The following ZNF24 variants were observed in gnomAD, a reference collection of about 807,000 sequenced individuals.
ZNF24 encodes the protein retinoic acid suppression protein A.
Under a neutral mutation model 40.9 loss-of-function variants are expected in ZNF24, and 11 were observed. The observed-to-expected ratio is 0.27, with a 90% confidence interval of 0.17 to 0.45. The LOEUF is 0.45. Ranked by LOEUF, ZNF24 falls within the 20% of genes least tolerant of loss-of-function variation. The pLI is 1.00. For missense variants in ZNF24, 293 were observed against 437.7 expected (o/e 0.67, Z 2.95); for synonymous variants, 139 against 154.7 (o/e 0.90, Z 0.75).
rs772555800 is a variant in ZNF24, at chr18:35,340,322, G to C, written c.329C>G (p.Thr110Ser). 1 of 1,614,154 alleles carries C rather than the reference G, an allele frequency of 6.2e-7. No individual in the cohort carries two copies. The stretch of plus-strand genomic sequence containing the variant: ...CTCTGGATGATGATCTCGAACCCAA[G>C]TCTGTAGCTCTTTGGGTAGGATGGC... Reference protein sequence around the residue: ...FVAILPKELQTWVRDHHPENG... With the variant: ...FVAILPKELQSWVRDHHPENG... Residue 110 changes from threonine (T) to serine (S), a missense_variant, in exon 2 of 4, where the codon ACT becomes AGT. Thr to Ser is a moderately conservative substitution (Grantham distance 58). Coordinates refer to ENST00000261332, the MANE Select transcript of ZNF24 (RefSeq NM_006965.4). This position sits in a 1 kb window ranked among gnomAD's most constrained non-coding sequence, Gnocchi z 4.6.
Position 35,337,250 on chromosome 18 carries a change from C to A in ZNF24, c.1089G>T (p.Leu363=). 7.0e-7 allele frequency: 1 copy of A among 1,427,410 alleles called. No homozygotes were observed. 88.4% of individuals were successfully genotyped at this position (1,427,410 alleles called of 1,614,324 possible). ...HQRRHNAEKL[L]NVVKV is the part of the protein sequence containing the mutation. Reference sequence around the variant, plus strand: ...CAATTTCTTAAACTTTCACAACATTCAGAAGTTTTTCTGCATTGTGTCTTC... The same window carrying A: ...CAATTTCTTAAACTTTCACAACATTAAGAAGTTTTTCTGCATTGTGTCTTC... Residue 363 remains leucine, a synonymous_variant, in exon 4 of 4, where the codon CTG becomes CTT. Coordinates refer to ENST00000261332, the MANE Select transcript of ZNF24 (RefSeq NM_006965.4).
chr18:35,337,146 A>G lies in ZNF24; in HGVS notation c.*86T>C, dbSNP rs2044918101. The G allele has an allele frequency of 4.4e-6, 5 of 1,149,264 alleles. No homozygotes were observed. The highest frequency in any genetic ancestry group is 5.8e-6 in the Non-Finnish European group (5 of 864,908). The allele number at this position is 1,149,264 out of a possible 1,614,324, so 71.2% of individuals were successfully genotyped here. A position where few individuals can be genotyped will look rare whatever the true frequency, so the allele number is the denominator to read the frequency against. ...TCTGACAGTCAATAGGGAAAAAACT[A>G]TTCTGCATCATTTCATATTTTAAAT... On this transcript the variant is annotated 3_prime_UTR_variant, in exon 4 of 4. Coordinates refer to ENST00000261332, the MANE Select transcript of ZNF24 (RefSeq NM_006965.4).
chr18:35,344,390 C>G lies in ZNF24; in HGVS notation c.-114G>C, dbSNP rs1181478559. The stretch of plus-strand genomic sequence containing the variant: ...CAAACCTCCGGCTCAGGAACCGCAG[C>G]AGCTTCGCTGTCCACGGCAGACGCA... On this transcript the variant is annotated 5_prime_UTR_variant, in exon 1 of 4. Transcript: ENST00000261332. The G allele has an allele frequency of 6.6e-6, 1 of 152,438 alleles. No homozygotes were observed. Among genetic ancestry groups the G allele is most frequent in the Non-Finnish European group, 1.5e-5 (1 of 68,190 alleles). 9.4% of individuals were successfully genotyped at this position (152,438 alleles called of 1,614,324 possible).
rs900812761 is a variant in ZNF24 at position 35,344,370 on chromosome 18, CTCCG to C, written c.-98_-95del. The C allele has an allele frequency of 6.6e-6, 1 of 152,382 alleles. No individual in the cohort carries two copies. Among genetic ancestry groups the C allele is most frequent in the Non-Finnish European group, 1.5e-5 (1 of 68,152 alleles). The allele number at this position is 152,382 out of a possible 1,614,324, so 9.4% of individuals were successfully genotyped here. On this transcript the variant is annotated 5_prime_UTR_variant, in exon 1 of 4. Coordinates refer to ENST00000261332, the MANE Select transcript of ZNF24 (RefSeq NM_006965.4). Reference sequence around the variant, plus strand: ...ACGTTCCCCGCACACCGGCGCAAACCTCCGGCTCAGGAACCGCAGCAGCTTCGCT... The same window carrying C: ...ACGTTCCCCGCACACCGGCGCAAACCGCTCAGGAACCGCAGCAGCTTCGCT...
chr18:35,341,663 G>C (rs2044969302), intron 1 of ZNF24, among the ~76,000 whole-genome samples: 1 of 152,044 alleles, frequency 6.6e-6, no homozygotes, highest in South Asian at 2.1e-4. Flanking sequence ...TGATAATCCA[G>C]ACCCTGTGTA....
In ZNF24 at chr18:35,339,912, T is replaced by C. The variant is rs979460995; in HGVS notation, c.485A>G (p.Gln162Arg). Residue 162 changes from glutamine (Q) to arginine (R), a missense_variant, in exon 3 of 4, where the codon CAG becomes CGG. By Grantham distance (43) the Gln-to-Arg change is conservative (BLOSUM62 1). Around this residue, in one of 2 missense-constraint regions of ZNF24, gnomAD observed 234 missense variants for 299.2 expected, o/e 0.78. Coordinates refer to ENST00000261332, the MANE Select transcript of ZNF24 (RefSeq NM_006965.4). ...VEDMVSQEEA[Q>R]GLPSSELDAV... ...ATCAAGCTCAGAACTTGGTAATCCC[T>C]GAGCTTCTTCTTGAGATACCATGTC... is the stretch of plus-strand genomic sequence containing the variant. The C allele has an allele frequency of 6.2e-7, 1 of 1,613,660 alleles. No individual in the cohort carries two copies. The highest frequency in any genetic ancestry group is 8.5e-7 in the Non-Finnish European group (1 of 1,179,576).
chr18:35,341,049 G>T (rs536501949), intron 1 of ZNF24, among the ~76,000 whole-genome samples: 1 of 152,130 alleles, frequency 6.6e-6, no homozygotes, highest in Non-Finnish European at 1.5e-5. Flanking sequence ...AAAATCAAAT[G>T]AATACCTCAT....
chr18:35,339,806 CCA>C, intron 3 of ZNF24, 21 bp downstream of exon 3: 2 of 1,577,564 alleles, frequency 1.3e-6, no homozygotes, highest in South Asian at 1.1e-5. Flanking sequence ...ACCCTCTAGC[CCA>C]CACAGAGTTC....
At chr18:35,339,733 G>A (rs1290965736) in intron 3 of ZNF24, 96 bp downstream of exon 3, 21 of 1,134,568 alleles carry the variant, frequency 1.9e-5, no homozygotes, top group African/African-American at 3.1e-5. Context: ...GATTAAGAGT[G>A]ATATGATCCC....
chr18:35,342,916 T>G (rs1044680771), intron 1 of ZNF24, among the ~76,000 whole-genome samples: 6 of 152,192 alleles, frequency 3.9e-5, no homozygotes, highest in African/African-American at 1.4e-4. Flanking sequence ...AGAATCCAAG[T>G]AAGAACCAGA....
Position 35,340,137 on chromosome 18 carries a change from T to TAG in ZNF24, c.420+93_420+94insCT, listed in dbSNP as rs2044953618. 6.6e-7 allele frequency: 1 copy of TAG among 1,523,658 alleles called. No individual in the cohort carries two copies. The highest frequency in any genetic ancestry group is 1.3e-5 in the South Asian group (1 of 79,538). 94.4% of individuals were successfully genotyped at this position (1,523,658 alleles called of 1,614,324 possible). On this transcript the variant is annotated intron_variant, in intron 2 of 3. Coordinates refer to ENST00000261332, the MANE Select transcript of ZNF24 (RefSeq NM_006965.4). The surrounding 1 kb of genome is among the most constrained non-coding windows in gnomAD (Gnocchi z 4.6). ...GGGAATGGGGGAAAAGGCATAAACA[T>TAG]AATTCTAACTTAGTTGAGTGGAATT...
At chr18:35,339,023 C>T in intron 3 of ZNF24, 1 of 1,535,952 alleles carries the variant, frequency 6.5e-7, no homozygotes. Context: ...CTGCTCAGAC[C>T]TCATTCAGTG....
At position 35,337,035 on chromosome 18, in the gene ZNF24, T is replaced by C. The variant is rs1385893266; in HGVS notation, c.*197A>G. ...TAAGACCTGAATTAAGTTTAAAATTTCAGTTTCTAGGCAGGTATGACACCA... is the reference window on the plus strand; with the variant it reads ...TAAGACCTGAATTAAGTTTAAAATTCCAGTTTCTAGGCAGGTATGACACCA... On this transcript the variant is annotated 3_prime_UTR_variant, in exon 4 of 4. Coordinates refer to ENST00000261332, the MANE Select transcript of ZNF24 (RefSeq NM_006965.4). 6 of 450,580 alleles carry C rather than the reference T, an allele frequency of 1.3e-5. No individual in the cohort carries two copies. Among genetic ancestry groups the C allele is most frequent in the African/African-American group, 8.1e-5 (4 of 49,328 alleles). 27.9% of individuals were successfully genotyped at this position (450,580 alleles called of 1,614,324 possible).
At position 35,333,560 on chromosome 18, in the gene ZNF24, G is replaced by A. The variant is rs2044877075; in HGVS notation, c.*3672C>T. 1 of 152,162 alleles carries A rather than the reference G, an allele frequency of 6.6e-6. No individual in the cohort carries two copies. Among genetic ancestry groups the A allele is most frequent in the South Asian group, 2.1e-4 (1 of 4,836 alleles). The allele number at this position is 152,162 out of a possible 1,614,324, so 9.4% of individuals were successfully genotyped here. On this transcript the variant is annotated 3_prime_UTR_variant, in exon 4 of 4. Transcript: ENST00000261332. The stretch of plus-strand genomic sequence containing the variant: ...TGCAAATGGCCAAGAAACATGAAAA[G>A]ATGTTCCTCCTCATTAATATTCAAA...
rs2044959936 is a variant in ZNF24 at position 35,340,623 on chromosome 18, A to C, written c.28T>G (p.Ser10Ala). MSAQSVEED[S>A]ILIIPTPDEE... ...TCTGGAGTTGGGATGATAAGTATTGAATCTTCTTCCACTGACTGTGCAGAC... is the reference window on the plus strand; with the variant it reads ...TCTGGAGTTGGGATGATAAGTATTGCATCTTCTTCCACTGACTGTGCAGAC... The change falls in exon 2 of 4, where the codon TCA becomes GCA. Residue 10 changes from serine to alanine, a missense_variant. By Grantham distance (99) the Ser-to-Ala change is moderately conservative. Coordinates refer to ENST00000261332, the MANE Select transcript of ZNF24 (RefSeq NM_006965.4). This position sits in a 1 kb window ranked among gnomAD's most constrained non-coding sequence, Gnocchi z 4.6. 1 of 1,613,834 alleles carries C rather than the reference A, an allele frequency of 6.2e-7. No individual in the cohort carries two copies. The highest frequency in any genetic ancestry group is 1.3e-5 in the African/African-American group (1 of 75,064).
Position 35,333,489 on chromosome 18 carries a change from A to G in ZNF24, c.*3743T>C, listed in dbSNP as rs543093181. 41 of 152,322 alleles carry G rather than the reference A, an allele frequency of 2.7e-4. No homozygotes were observed. Among genetic ancestry groups the G allele is most frequent in the African/African-American group, 9.9e-4 (41 of 41,584 alleles). The allele number at this position is 152,322 out of a possible 1,614,324, so 9.4% of individuals were successfully genotyped here. On this transcript the variant is annotated 3_prime_UTR_variant, in exon 4 of 4. Coordinates refer to ENST00000261332, the MANE Select transcript of ZNF24 (RefSeq NM_006965.4). ...ATGAGAAGGTAGTCATTAGACTTTC[A>G]TAATTAAAAAAAGGAAAATGGGCAA...
intron 3 of ZNF24, chr18:35,338,499 A>G (rs2044933325): frequency 4.1e-6 from 4 of 985,572 alleles, no homozygotes; most frequent in Non-Finnish European, 4.8e-6. Context: ...AACATGGGTT[A>G]GCATCACTCA....
chr18:35,333,723 C>T lies in ZNF24; in HGVS notation c.*3509G>A, dbSNP rs778981908. 1.3e-5 allele frequency: 2 copies of T among 152,120 alleles called. No homozygotes were observed. Among genetic ancestry groups the T allele is most frequent in the African/African-American group, 2.4e-5 (1 of 41,426 alleles). The allele number at this position is 152,120 out of a possible 1,614,324, so 9.4% of individuals were successfully genotyped here. On this transcript the variant is annotated 3_prime_UTR_variant, in exon 4 of 4. Coordinates refer to ENST00000261332, the MANE Select transcript of ZNF24 (RefSeq NM_006965.4). ...ATCTTTTTGGTAGTAGTTTTCAAAA[C>T]TGCAAATGTGAAACCTGATCCAATA...
rs2044889146 is a variant in ZNF24 at position 35,334,730 on chromosome 18, T to C, written c.*2502A>G. 6.6e-6 allele frequency: 1 copy of C among 152,246 alleles called. No homozygotes were observed. Among genetic ancestry groups the C allele is most frequent in the African/African-American group, 2.4e-5 (1 of 41,468 alleles). 9.4% of individuals were successfully genotyped at this position (152,246 alleles called of 1,614,324 possible). A position where few individuals can be genotyped will look rare whatever the true frequency, so the allele number is the denominator to read the frequency against. On this transcript the variant is annotated 3_prime_UTR_variant, in exon 4 of 4. Transcript: ENST00000261332. ...TTTCTATGATTATCTGTGTGGGTAA[T>C]GAATGTGTGGATGGAATTTAAAAAT...
Sources: allele counts gnomAD v4.1 joint callset (sites outside exome capture counted in the v4.1 genomes callset), GRCh38; gene constraint gnomAD v4.1.1; regional missense constraint gnomAD v4.1.1; non-coding constraint Gnocchi (gnomAD v3.1); transcripts MANE v1.5; gene names NCBI Gene and HGNC (gene_info 2026-07-23, HGNC 2026-07-21).